MS4A1: variants seen among roughly 807,000 people sequenced by gnomAD.
MS4A1 encodes membrane spanning 4-domains A1, also known as B-lymphocyte antigen CD20.
Under a neutral mutation model 26.5 loss-of-function variants are expected in MS4A1, and 16 were observed. The ratio of observed to expected loss-of-function variants is 0.60; its 90% CI spans 0.41 to 0.92. The LOEUF (loss-of-function observed/expected upper bound fraction) is 0.92, where lower values mean the gene tolerates loss of function less well. MS4A1 is among the 40% of genes least tolerant of loss of function. The pLI, the probability that MS4A1 is intolerant of heterozygous loss-of-function variation, is 0.00. For missense variants in MS4A1, 350 were observed against 353.0 expected, an observed-to-expected ratio of 0.99 and a Z score of 0.07; for synonymous variants, 128 against 117.6, an observed-to-expected ratio of 1.09 and a Z score of -0.57.
At chr11:60,461,933 G>A (rs1433688711) in intron 2 of MS4A1, among the ~76,000 whole-genome samples, 2 of 152,172 alleles carry the variant, frequency 1.3e-5, no homozygotes, top group African/African-American at 4.8e-5. Flanking sequence ...CTGCAATGTT[G>A]CCTCTGGCCC....
intron 6 of MS4A1, 105 bp from the exon 7 acceptor site, chr11:60,466,854 G>T: frequency 1.8e-6 from 2 of 1,083,830 alleles, no homozygotes; most frequent in Non-Finnish European, 2.8e-6. Flanking sequence ...CTAAAGAATT[G>T]ATCTCTTAAT....
At chr11:60,463,638 A>C in intron 4 of MS4A1, 1 of 355,906 alleles carries the variant, frequency 2.8e-6, no homozygotes, top group Non-Finnish European at 5.8e-6. Flanking sequence ...TGTGGCACAT[A>C]GGACAGTGAT....
chr11:60,467,465 G>A (rs1278608699), intron 7 of MS4A1, among the ~76,000 whole-genome samples: 8 of 151,624 alleles, frequency 5.3e-5, no homozygotes, highest in South Asian at 4.2e-4. Context: ...TTGTAGAGAC[G>A]GGGGTTCACC....
chr11:60,469,897 A>G lies in MS4A1; in HGVS notation c.*1429A>G, dbSNP rs2086329344. The G allele has an allele frequency of 6.6e-6, 1 of 152,088 alleles. No homozygotes were observed. The highest frequency in any genetic ancestry group is 6.5e-5 in the Admixed American group (1 of 15,276). The allele number at this position is 152,088 out of a possible 1,614,324, so 9.4% of individuals were successfully genotyped here. On this transcript the variant is annotated 3_prime_UTR_variant, in exon 8 of 8. Coordinates refer to ENST00000345732, the MANE Select transcript of MS4A1 (RefSeq NM_152866.3). ...GCCAGATTGTGGCAGGTAAAGAGACAATGTAATTTGCACTCCCTATGATAT... is the reference window on the plus strand; with the variant it reads ...GCCAGATTGTGGCAGGTAAAGAGACGATGTAATTTGCACTCCCTATGATAT...
intron 7 of MS4A1, among the ~76,000 whole-genome samples, 194 bp downstream of exon 7, chr11:60,467,254 C>T (rs2086300135): frequency 6.7e-6 from 1 of 150,094 alleles, no homozygotes; most frequent in Non-Finnish European, 1.5e-5. Flanking sequence ...TAGTTAGAGC[C>T]TACAGTTCTA....
chr11:60,458,561 C>T (rs2086222372), intron 1 of MS4A1, among the ~76,000 whole-genome samples: 1 of 152,202 alleles, frequency 6.6e-6, no homozygotes, highest in Non-Finnish European at 1.5e-5. Flanking sequence ...TTATTGTTAT[C>T]ATATTGCGGC....
intron 6 of MS4A1, 88 bp from the exon 7 acceptor site, chr11:60,466,871 A>G (rs1008238237): frequency 1.7e-5 from 21 of 1,271,256 alleles, no homozygotes; most frequent in East Asian, 2.3e-5. Context: ...TAATCGTTCA[A>G]TTATAGTCAA....
rs752913290 is a variant in MS4A1, at chr11:60,468,486, C to G, written c.*18C>G. On this transcript the variant is annotated 3_prime_UTR_variant, in exon 8 of 8. Coordinates refer to ENST00000345732, the MANE Select transcript of MS4A1 (RefSeq NM_152866.3). ...CTCCTTAAGTGATTTCTTCTGTTTT[C>G]TGTTTCCTTTTTTAAACATTAGTGT... 2.5e-6 allele frequency: 4 copies of G among 1,610,300 alleles called. No homozygotes were observed. In the East Asian group the frequency reaches 8.9e-5, roughly 36 times the overall value.
intron 2 of MS4A1, 126 bp from the exon 3 acceptor site, chr11:60,462,059 C>T (rs2086252206): frequency 1.9e-5 from 8 of 424,312 alleles, no homozygotes; most frequent in South Asian, 1.7e-4. Flanking sequence ...AGAGGACATG[C>T]AGTCATATAT....
intron 2 of MS4A1, 147 bp downstream of exon 2, chr11:60,461,307 C>G (rs747845518): frequency 6.6e-6 from 1 of 151,676 alleles, no homozygotes; most frequent in Non-Finnish European, 1.5e-5. Context: ...CAAAAAGACA[C>G]TAGCCATGCA....
chr11:60,462,328 C>T lies in MS4A1; in HGVS notation c.-47C>T, dbSNP rs2135197054. 6.2e-7 allele frequency: 1 copy of T among 1,608,592 alleles called. No individual in the cohort carries two copies. Among genetic ancestry groups the T allele is most frequent in the Non-Finnish European group, 8.5e-7 (1 of 1,175,120 alleles). On this transcript the variant is annotated 5_prime_UTR_variant, in exon 3 of 8. Transcript: ENST00000345732. ...GACTGCCAAAAATCTTGTTCTTGCT[C>T]TCCTCATTTTGTTATTTGTTTTATT...
chr11:60,464,401 G>A (rs974014134), intron 5 of MS4A1, 57 bp downstream of exon 5: 48 of 1,531,260 alleles, frequency 3.1e-5, no homozygotes, highest in Middle Eastern at 3.4e-4. Flanking sequence ...ATTTTTTTCG[G>A]TTAAAAACTG....
Position 60,462,983 on chromosome 11 carries a change from G to A in MS4A1, c.160-19G>A. Reference sequence around the variant, plus strand: ...TGATGATTTCAGCTCATCCACTGCTGCCTCTGTTCTCTCCCCAGGCTGTCC... The same window carrying A: ...TGATGATTTCAGCTCATCCACTGCTACCTCTGTTCTCTCCCCAGGCTGTCC... On this transcript the variant is annotated intron_variant, in intron 3 of 7. Transcript: ENST00000345732. The A allele has an allele frequency of 2.5e-6, 4 of 1,612,768 alleles. No individual in the cohort carries two copies. The highest frequency in any genetic ancestry group is 3.4e-6 in the Non-Finnish European group (4 of 1,179,976).
intron 5 of MS4A1, 115 bp downstream of exon 5, chr11:60,464,459 A>G: frequency 1.2e-6 from 1 of 847,492 alleles, no homozygotes; most frequent in Non-Finnish European, 2.0e-6. Context: ...CCTAAAAAGC[A>G]AAGACCCTCC....
At chr11:60,457,256 G>A (rs1216781332) in intron 1 of MS4A1, among the ~76,000 whole-genome samples, 1 of 152,162 alleles carries the variant, frequency 6.6e-6, no homozygotes, top group Non-Finnish European at 1.5e-5. Context: ...GACATGTATA[G>A]ACCAGTGGCT....
intron 1 of MS4A1, among the ~76,000 whole-genome samples, chr11:60,459,672 G>A (rs2086232275): frequency 6.6e-6 from 1 of 152,154 alleles, no homozygotes; most frequent in Non-Finnish European, 1.5e-5. Flanking sequence ...CTTGTAGAGT[G>A]GCTTGTTGTA....
Position 60,470,300 on chromosome 11 carries a change from T to C in MS4A1, c.*1832T>C, listed in dbSNP as rs2086333128. ...CTGAGAACTCCAGACGACTGAAATA[T>C]ATGAGAGAAGGAAAAGGACATAGTA... On this transcript the variant is annotated 3_prime_UTR_variant, in exon 8 of 8. Coordinates refer to ENST00000345732, the MANE Select transcript of MS4A1 (RefSeq NM_152866.3). 1 of 151,900 alleles carries C rather than the reference T, an allele frequency of 6.6e-6. No individual in the cohort carries two copies. The highest frequency in any genetic ancestry group is 1.5e-5 in the Non-Finnish European group (1 of 67,888). The allele number at this position is 151,900 out of a possible 1,614,324, so 9.4% of individuals were successfully genotyped here.
intron 5 of MS4A1, among the ~76,000 whole-genome samples, chr11:60,465,091 A>G (rs2086280133): frequency 6.6e-6 from 1 of 152,238 alleles, no homozygotes; most frequent in East Asian, 1.9e-4. Context: ...TTTGGGGGGA[A>G]AACTTTTTAT....
At chr11:60,463,198 T>G in intron 4 of MS4A1, 77 bp downstream of exon 4, 1 of 1,586,374 alleles carries the variant, frequency 6.3e-7, no homozygotes, top group Middle Eastern at 1.7e-4. Context: ...ATATGCCAGA[T>G]TATTTCTGTG....
Sources: allele counts gnomAD v4.1 joint callset (sites outside exome capture counted in the v4.1 genomes callset), GRCh38; gene constraint gnomAD v4.1.1; transcripts MANE v1.5; gene names NCBI Gene and HGNC (gene_info 2026-07-23, HGNC 2026-07-21).